Variants in ARSB observed in about 807,000 individuals in gnomAD.
ARSB encodes the protein arylsulfatase B.
A neutral mutation model predicts 50.9 loss-of-function variants in ARSB; 41 were observed. The observed-to-expected ratio is 0.81, with a 90% CI of 0.63 to 1.04. The LOEUF is 1.04. ARSB is among the 50% of genes least tolerant of loss of function. The pLI, the probability that ARSB is intolerant of heterozygous loss-of-function variation, is 0.00. For synonymous variants in ARSB, 269 were observed against 284.8 expected (o/e 0.94, Z 0.56); for missense variants, 672 against 693.3 (o/e 0.97, Z 0.35).
At chr5:78,976,015 A>G (rs188340477) in intron 1 of ARSB, among the ~76,000 whole-genome samples, 10 of 152,326 alleles carry the variant, frequency 6.6e-5, no homozygotes, top group African/African-American at 2.4e-4. Flanking sequence ...CACAAATTCT[A>G]TTAGAAAAGC....
intron 5 of ARSB, among the ~76,000 whole-genome samples, chr5:78,859,072 T>C (rs1746296089): frequency 6.6e-6 from 1 of 152,318 alleles, no homozygotes; most frequent in African/African-American, 2.4e-5. Flanking sequence ...TGAAACTCCT[T>C]ACAGGACTTA....
At chr5:78,881,719 G>A (rs994807648) in intron 5 of ARSB, among the ~76,000 whole-genome samples, 6 of 152,226 alleles carry the variant, frequency 3.9e-5, no homozygotes, top group Non-Finnish European at 7.3e-5. Context: ...ACCTGTACAA[G>A]AGTACATTGA....
chr5:78,797,797 G>A (rs115629487), intron 6 of ARSB, among the ~76,000 whole-genome samples: 94 of 152,296 alleles, frequency 6.2e-4, no homozygotes, highest in South Asian at 1.2e-3. Context: ...CAAACTGGGT[G>A]CCTTGTCTCC....
chr5:78,909,751 G>A (rs1749220366), intron 4 of ARSB, among the ~76,000 whole-genome samples: 1 of 152,184 alleles, frequency 6.6e-6, no homozygotes, highest in Non-Finnish European at 1.5e-5. Context: ...TGTGGGATGG[G>A]AAAGACCTGA....
At chr5:78,985,892 AAC>A (rs1753166606), upstream of ARSB, 1 of 152,314 alleles carries the variant, frequency 6.6e-6, no homozygotes, top group Admixed American at 6.5e-5. Flanking sequence ...CAGGAGGCCA[AAC>A]ACACAGTCTG....
intron 6 of ARSB, among the ~76,000 whole-genome samples, chr5:78,791,482 T>A (rs2112631978): frequency 6.6e-6 from 1 of 152,356 alleles, no homozygotes; most frequent in Non-Finnish European, 1.5e-5. Context: ...GTTCAAGTCA[T>A]TAAGGTCCTT....
At chr5:78,783,610 C>T (rs1470969656) in intron 6 of ARSB, 1 of 152,104 alleles carries the variant, frequency 6.6e-6, no homozygotes, top group African/African-American at 2.4e-5. Context: ...GCATGTCTAT[C>T]ACAGGAAATG....
chr5:78,869,045 A>C (rs1410434649), intron 5 of ARSB, among the ~76,000 whole-genome samples: 3 of 150,584 alleles, frequency 2.0e-5, no homozygotes, highest in Non-Finnish European at 3.0e-5. Flanking sequence ...TTAAACCAAC[A>C]AAGATCAAAA....
chr5:78,965,867 A>C (rs1269958648), intron 2 of ARSB, among the ~76,000 whole-genome samples: 1 of 152,210 alleles, frequency 6.6e-6, no homozygotes, highest in African/African-American at 2.4e-5. Flanking sequence ...CTTGAATACA[A>C]TTAATACTTT....
At chr5:78,900,206 C>G (rs1425864798) in intron 4 of ARSB, among the ~76,000 whole-genome samples, 1 of 152,098 alleles carries the variant, frequency 6.6e-6, no homozygotes, top group Non-Finnish European at 1.5e-5. Flanking sequence ...GTACCTCCTA[C>G]AGTGTGGTGC....
intron 5 of ARSB, among the ~76,000 whole-genome samples, chr5:78,841,207 G>A (rs1446933617): frequency 8.2e-6 from 1 of 121,790 alleles, no homozygotes; most frequent in Non-Finnish European, 1.8e-5. Flanking sequence ...GTGCATGCCT[G>A]TAGTCCCAGC....
intron 5 of ARSB, among the ~76,000 whole-genome samples, chr5:78,872,637 A>G (rs1308242924): frequency 1.5e-5 from 2 of 137,718 alleles, no homozygotes; most frequent in Non-Finnish European, 3.1e-5. Context: ...GGACACAGGA[A>G]GGGGAATATC....
chr5:78,930,536 T>G (rs6863277), intron 4 of ARSB, among the ~76,000 whole-genome samples: 4,279 of 152,146 alleles, frequency 0.028, 138 homozygotes, highest in East Asian at 0.073. Flanking sequence ...CAAAAAAAGA[T>G]CATAAAGATT....
chr5:78,902,981 A>T (rs1465632521), intron 4 of ARSB, among the ~76,000 whole-genome samples: 1 of 152,236 alleles, frequency 6.6e-6, no homozygotes, highest in East Asian at 1.9e-4. Flanking sequence ...TCAAAGACCT[A>T]AATGCAACAG....
intron 5 of ARSB, among the ~76,000 whole-genome samples, chr5:78,850,262 G>A (rs568671402): frequency 1.3e-3 from 200 of 152,316 alleles, no homozygotes; most frequent in African/African-American, 4.2e-3. Context: ...AGAGTTTTTA[G>A]CATGAAGTGT....
intron 4 of ARSB, among the ~76,000 whole-genome samples, chr5:78,935,850 A>G (rs915575396): frequency 1.3e-5 from 2 of 152,098 alleles, no homozygotes; most frequent in African/African-American, 4.8e-5. Flanking sequence ...TGTTGGACTC[A>G]GGCCATCTGC....
chr5:78,781,789 C>G, intron 7 of ARSB, 63 bp downstream of exon 7: 1 of 1,608,594 alleles, frequency 6.2e-7, no homozygotes, highest in Non-Finnish European at 8.5e-7. Context: ...AGATACTGCC[C>G]TGAGGACACA....
chr5:78,864,257 T>C (rs1746596606), intron 5 of ARSB, among the ~76,000 whole-genome samples: 1 of 152,102 alleles, frequency 6.6e-6, no homozygotes, highest in Non-Finnish European at 1.5e-5. Flanking sequence ...GAGGATTAAT[T>C]GGACTACAGT....
intron 4 of ARSB, among the ~76,000 whole-genome samples, chr5:78,937,445 A>G (rs1230438331): frequency 6.9e-6 from 1 of 145,222 alleles, no homozygotes; most frequent in East Asian, 1.9e-4. Flanking sequence ...TGATATATAT[A>G]TCTTATATAT....
Sources: allele counts gnomAD v4.1 joint callset (sites outside exome capture counted in the v4.1 genomes callset), GRCh38; gene constraint gnomAD v4.1.1; transcripts MANE v1.5; gene names NCBI Gene and HGNC (gene_info 2026-07-23, HGNC 2026-07-21).